Variants in DLGAP1 observed in about 807,000 individuals in gnomAD.
The protein encoded by DLGAP1 is DLG associated protein 1.
Under a neutral mutation model 90.8 loss-of-function variants are expected in DLGAP1, and 11 were observed. The ratio of observed to expected loss-of-function variants is 0.12; its 90% CI spans 0.08 to 0.20. DLGAP1 has a LOEUF of 0.20. Among genes scored for constraint, DLGAP1 ranks in the 10% least tolerant of loss-of-function variants. The pLI is 1.00. For missense variants in DLGAP1, 1,050 were observed against 1,333.8 expected (o/e 0.79, Z 3.31); for synonymous variants, 558 against 540.7 (o/e 1.03, Z -0.44).
chr18:4,181,795 G>A (rs1274380428), intron 1 of DLGAP1, among the ~76,000 whole-genome samples: 1 of 151,922 alleles, frequency 6.6e-6, no homozygotes, highest in Non-Finnish European at 1.5e-5. Flanking sequence ...ACAGCTTTCG[G>A]TAGATAATGT....
intron 1 of DLGAP1, among the ~76,000 whole-genome samples, chr18:4,304,728 C>A (rs546785308): frequency 1.3e-5 from 2 of 151,864 alleles, no homozygotes; most frequent in East Asian, 3.9e-4. Context: ...GTCAGGAGTT[C>A]GAGACCAGCC....
At chr18:4,090,890 C>T (rs181811056) in intron 2 of DLGAP1, among the ~76,000 whole-genome samples, 22 of 152,324 alleles carry the variant, frequency 1.4e-4, no homozygotes, top group Non-Finnish European at 2.8e-4. Flanking sequence ...GGTACATATA[C>T]ACCATGGAAT....
chr18:3,658,109 T>C (rs1032885120), intron 7 of DLGAP1, among the ~76,000 whole-genome samples: 9 of 152,210 alleles, frequency 5.9e-5, no homozygotes, highest in Middle Eastern at 3.2e-3. Flanking sequence ...ACCCATACCA[T>C]GGCATATTTG....
chr18:3,990,835 G>C (rs1055243204), intron 3 of DLGAP1, among the ~76,000 whole-genome samples: 1 of 151,958 alleles, frequency 6.6e-6, no homozygotes, highest in Non-Finnish European at 1.5e-5. Context: ...AGTGAATAAA[G>C]AGGCAGATAT....
rs557425179 is a variant in DLGAP1 at position 3,799,638 on chromosome 18, G to A, written c.1172+14421C>T. Among the ~76,000 whole-genome samples the A allele has an allele frequency of 1.7e-3, 261 of 151,984 alleles. 3 individuals are homozygous for A. The highest frequency in any genetic ancestry group is 6.1e-3 in the African/African-American group (252 of 41,474). On this transcript the variant is annotated intron_variant, in intron 5 of 12. Coordinates refer to ENST00000315677, the MANE Select transcript of DLGAP1 (RefSeq NM_004746.4). ...CAGAGGCTTGCCAAGCTGTCTCCCC[G>A]CAATACTCAGCTCAGCTACTTAAAG...
chr18:3,525,203 T>C (rs1343206235), intron 10 of DLGAP1, among the ~76,000 whole-genome samples: 1 of 152,184 alleles, frequency 6.6e-6, no homozygotes, highest in African/African-American at 2.4e-5. Context: ...GCCTTACTCG[T>C]AGAAGATGGT....
At chr18:4,265,230 A>C (rs1480499655) in intron 1 of DLGAP1, among the ~76,000 whole-genome samples, 1 of 148,676 alleles carries the variant, frequency 6.7e-6, no homozygotes, top group Non-Finnish European at 1.5e-5. Context: ...GTGCAGTGGC[A>C]CGATCTCGGC....
intron 7 of DLGAP1, chr18:3,608,325 A>G (rs1461436806): frequency 8.3e-6 from 1 of 120,550 alleles, no homozygotes; most frequent in African/African-American, 3.3e-5. Context: ...CTCCATCTCA[A>G]AAAAAAAAAA....
chr18:4,309,508 G>A (rs1454846906), intron 1 of DLGAP1, among the ~76,000 whole-genome samples: 1 of 152,140 alleles, frequency 6.6e-6, no homozygotes, highest in East Asian at 1.9e-4. Flanking sequence ...GATGAACTAA[G>A]CACTAAGAAG....
intron 5 of DLGAP1, among the ~76,000 whole-genome samples, chr18:3,744,270 C>T (rs2063176577): frequency 6.6e-6 from 1 of 152,002 alleles, no homozygotes; most frequent in Non-Finnish European, 1.5e-5. Context: ...CTCAAGGTAG[C>T]TAGATACAAG....
chr18:3,655,989 G>A (rs1292367695), intron 7 of DLGAP1: 18 of 1,223,110 alleles, frequency 1.5e-5, no homozygotes, highest in African/African-American at 4.6e-5. Context: ...CGCACATGGC[G>A]TCAAACACCA....
chr18:4,387,171 G>T (rs546023476), intron 1 of DLGAP1, among the ~76,000 whole-genome samples: 3 of 152,274 alleles, frequency 2.0e-5, no homozygotes, highest in South Asian at 2.1e-4. Context: ...AGGGAGCAAG[G>T]TTGAGTGAAA....
intron 11 of DLGAP1, among the ~76,000 whole-genome samples, chr18:3,507,015 C>T (rs919000615): frequency 1.3e-5 from 2 of 151,466 alleles, no homozygotes; most frequent in African/African-American, 4.8e-5. Flanking sequence ...AAATTATAAA[C>T]GTGTGTGTAT....
chr18:4,253,844 A>G (rs1324018821), intron 1 of DLGAP1, among the ~76,000 whole-genome samples: 1 of 152,212 alleles, frequency 6.6e-6, no homozygotes, highest in Non-Finnish European at 1.5e-5. Context: ...ACGAGACTCA[A>G]TTCCACTGGA....
intron 2 of DLGAP1, among the ~76,000 whole-genome samples, chr18:4,072,470 T>A (rs988646407): frequency 2.1e-4 from 19 of 91,286 alleles, no homozygotes; most frequent in Non-Finnish European, 3.9e-4. Flanking sequence ...TTCAACATCA[T>A]TATCTTTTTT....
chr18:3,744,605 G>A (rs1305216750), intron 5 of DLGAP1, among the ~76,000 whole-genome samples: 1 of 152,140 alleles, frequency 6.6e-6, no homozygotes, highest in Non-Finnish European at 1.5e-5. Context: ...CTGTCGCCCA[G>A]GTGGAGTGTA....
At chr18:4,106,265 G>A (rs531978297) in intron 2 of DLGAP1, among the ~76,000 whole-genome samples, 1 of 152,126 alleles carries the variant, frequency 6.6e-6, no homozygotes, top group South Asian at 2.1e-4. Context: ...TCACACAGAA[G>A]CCCGGGTTCT....
At chr18:3,960,114 G>A (rs1428057429) in intron 3 of DLGAP1, among the ~76,000 whole-genome samples, 1 of 152,124 alleles carries the variant, frequency 6.6e-6, no homozygotes, top group Non-Finnish European at 1.5e-5. Context: ...AACATGCACA[G>A]CACTCCCTTG....
intron 1 of DLGAP1, among the ~76,000 whole-genome samples, chr18:4,194,664 T>C (rs1026005782): frequency 6.6e-6 from 1 of 152,220 alleles, no homozygotes; most frequent in Non-Finnish European, 1.5e-5. Flanking sequence ...AATAACTACA[T>C]AGTTATTTTG....
Sources: allele counts gnomAD v4.1 joint callset (sites outside exome capture counted in the v4.1 genomes callset), GRCh38; gene constraint gnomAD v4.1.1; transcripts MANE v1.5; gene names NCBI Gene and HGNC (gene_info 2026-07-23, HGNC 2026-07-21).